CATSPERB: variants seen among roughly 807,000 people sequenced by gnomAD.
CATSPERB encodes catsper channel auxiliary subunit beta.
In CATSPERB, 93 loss-of-function variants were observed where a neutral mutation model predicts 128.3. The observed-to-expected ratio is 0.72, with a 90% CI of 0.61 to 0.86. CATSPERB has a LOEUF of 0.86. Ranked by LOEUF, CATSPERB falls within the 40% of genes least tolerant of loss-of-function variation. The probability of loss-of-function intolerance (pLI) is 0.00; values close to 1 mark genes in which losing one functional copy is unlikely to be tolerated. For synonymous variants in CATSPERB, 381 were observed against 448.8 expected (o/e 0.85, Z 1.91); for missense variants, 1,153 against 1,329.5 (o/e 0.87, Z 2.06).
At chr14:91,695,883 C>T (rs1402150121) in intron 7 of CATSPERB, among the ~76,000 whole-genome samples, 1 of 152,182 alleles carries the variant, frequency 6.6e-6, no homozygotes, top group African/African-American at 2.4e-5. Flanking sequence ...ACCCTGGAGA[C>T]AGCACAATCG....
At chr14:91,583,097 T>G (rs1231164652) in intron 26 of CATSPERB, among the ~76,000 whole-genome samples, 1 of 152,216 alleles carries the variant, frequency 6.6e-6, no homozygotes, top group Non-Finnish European at 1.5e-5. Context: ...CCTAATGAAA[T>G]TTCAGTCACT....
chr14:91,674,586 A>C (rs971621202), intron 11 of CATSPERB, among the ~76,000 whole-genome samples: 3 of 152,070 alleles, frequency 2.0e-5, no homozygotes, highest in Non-Finnish European at 4.4e-5. Flanking sequence ...TGCATTTTAA[A>C]ATTTTTTTTA....
intron 14 of CATSPERB, among the ~76,000 whole-genome samples, chr14:91,665,695 C>A (rs775544955): frequency 6.6e-6 from 1 of 151,976 alleles, no homozygotes; most frequent in Non-Finnish European, 1.5e-5. Context: ...CATGGTGAAA[C>A]CCCCTCTTTA....
In CATSPERB at chr14:91,699,605, C is replaced by T. The variant is rs546083037; in HGVS notation, c.616+4947G>A. Among the ~76,000 whole-genome samples the T allele has an allele frequency of 4.7e-5, 7 of 148,438 alleles. No homozygotes were observed. The East Asian group carries it at 1.4e-3, about 29-fold the overall frequency. ...TTTTTTTTTTTTAGATGGAGTTTTGCTCTTGTCACCCAGGCTGGAATGCAA... is the reference window on the plus strand; with the variant it reads ...TTTTTTTTTTTTAGATGGAGTTTTGTTCTTGTCACCCAGGCTGGAATGCAA... On this transcript the variant is annotated intron_variant, in intron 7 of 26. Coordinates refer to ENST00000256343, the MANE Select transcript of CATSPERB (RefSeq NM_024764.4).
intron 2 of CATSPERB, among the ~76,000 whole-genome samples, chr14:91,727,296 G>C (rs917159934): frequency 6.6e-6 from 1 of 152,112 alleles, no homozygotes; most frequent in African/African-American, 2.4e-5. Context: ...ATTGTTCTAG[G>C]AGAACTGTGT....
intron 11 of CATSPERB, among the ~76,000 whole-genome samples, chr14:91,683,418 G>A (rs1232783748): frequency 2.0e-5 from 3 of 152,164 alleles, no homozygotes; most frequent in Admixed American, 6.5e-5. Context: ...TTTTGAAACT[G>A]TTTTTTCTTT....
chr14:91,694,541 C>T (rs1385478782), intron 7 of CATSPERB, among the ~76,000 whole-genome samples: 1 of 151,414 alleles, frequency 6.6e-6, no homozygotes, highest in Non-Finnish European at 1.5e-5. Context: ...ATTTTTCCTC[C>T]CTAACAGTAC....
chr14:91,636,534 A>G lies in CATSPERB; in HGVS notation c.1633T>C (p.Ser545Pro). 6.2e-7 allele frequency: 1 copy of G among 1,613,946 alleles called. No homozygotes were observed. The highest frequency in any genetic ancestry group is 8.5e-7 in the Non-Finnish European group (1 of 1,179,960). The change falls in exon 17 of 27, where the codon TCC (serine) becomes CCC (proline). Residue 545 changes from serine to proline, a missense_variant. Ser to Pro is a moderately conservative substitution (Grantham distance 74). Coordinates refer to ENST00000256343, the MANE Select transcript of CATSPERB (RefSeq NM_024764.4). ...GCAAAAAAGATAATTTCATCTAAGGAGGTGTGCTGTGGGGCAAGCGCAGTC... is the reference window on the plus strand; with the variant it reads ...GCAAAAAAGATAATTTCATCTAAGGGGGTGTGCTGTGGGGCAAGCGCAGTC... ...FETALAPQHT[S>P]LDEIIFFAYV...
chr14:91,722,610 C>T (rs1293421309), intron 4 of CATSPERB, among the ~76,000 whole-genome samples: 1 of 152,070 alleles, frequency 6.6e-6, no homozygotes, highest in Non-Finnish European at 1.5e-5. Flanking sequence ...TATGAATATA[C>T]TAAAAACTAT....
At chr14:91,677,929 A>G (rs1895217704) in intron 11 of CATSPERB, among the ~76,000 whole-genome samples, 1 of 152,234 alleles carries the variant, frequency 6.6e-6, no homozygotes, top group Non-Finnish European at 1.5e-5. Flanking sequence ...TTGCAGGGAC[A>G]TGGATGAAGC....
chr14:91,706,201 T>G, intron 6 of CATSPERB, among the ~76,000 whole-genome samples: 1 of 152,172 alleles, frequency 6.6e-6, no homozygotes. Flanking sequence ...TTCATCTGGG[T>G]TGACGTAGTG....
At chr14:91,651,226 C>T (rs2139814892) in intron 15 of CATSPERB, among the ~76,000 whole-genome samples, 1 of 152,260 alleles carries the variant, frequency 6.6e-6, no homozygotes, top group South Asian at 2.1e-4. Flanking sequence ...TAGTTTTCAT[C>T]CTCTTTCTTC....
At chr14:91,635,550 G>A (rs1894358100) in intron 17 of CATSPERB, 1 of 152,058 alleles carries the variant, frequency 6.6e-6, no homozygotes, top group Non-Finnish European at 1.5e-5. Context: ...TAGAGATGGA[G>A]TTTCACCATG....
At chr14:91,606,486 C>G (rs1248245463) in intron 22 of CATSPERB, among the ~76,000 whole-genome samples, 1 of 152,098 alleles carries the variant, frequency 6.6e-6, no homozygotes, top group African/African-American at 2.4e-5. Flanking sequence ...TCGCTTGAAC[C>G]CCTGAGGCGG....
chr14:91,593,168 G>A (rs1893441817), intron 22 of CATSPERB, among the ~76,000 whole-genome samples: 1 of 152,256 alleles, frequency 6.6e-6, no homozygotes, highest in South Asian at 2.1e-4. Context: ...TTCTGCAGGG[G>A]TGGGGCCTTT....
At chr14:91,681,383 A>T (rs1051219489) in intron 11 of CATSPERB, among the ~76,000 whole-genome samples, 1 of 152,204 alleles carries the variant, frequency 6.6e-6, no homozygotes, top group Non-Finnish European at 1.5e-5. Context: ...CAATGACAGG[A>T]AAAACTAAAG....
chr14:91,650,946 AT>A (rs569925849), intron 15 of CATSPERB, among the ~76,000 whole-genome samples: 163 of 151,958 alleles, frequency 1.1e-3, no homozygotes, highest in African/African-American at 3.7e-3. Flanking sequence ...TTTATTGACA[AT>A]TTAGTTTTCT....
At chr14:91,614,515 T>C (rs949777098) in intron 20 of CATSPERB, among the ~76,000 whole-genome samples, 1 of 151,902 alleles carries the variant, frequency 6.6e-6, no homozygotes, top group Non-Finnish European at 1.5e-5. Flanking sequence ...ACACAAAAAT[T>C]AGCCAGGAAT....
At chr14:91,612,023 T>TCTTTCTTC (rs1893839063) in intron 20 of CATSPERB, among the ~76,000 whole-genome samples, 2 of 85,834 alleles carry the variant, frequency 2.3e-5, no homozygotes, top group African/African-American at 7.7e-5. Context: ...TTTCTTTCTT[T>TCTTTCTTC]CTTTCTTTCT....
Sources: allele counts gnomAD v4.1 joint callset (sites outside exome capture counted in the v4.1 genomes callset), GRCh38; gene constraint gnomAD v4.1.1; transcripts MANE v1.5; gene names NCBI Gene and HGNC (gene_info 2026-07-23, HGNC 2026-07-21).